Variants in IL13RA1 observed in about 807,000 individuals in gnomAD.
The protein encoded by IL13RA1 is interleukin-13 receptor subunit alpha-1.
Under a neutral mutation model 33.8 loss-of-function variants are expected in IL13RA1, and 14 were observed. That is an observed-to-expected ratio of 0.41 (90% CI 0.27 to 0.65). IL13RA1 has a LOEUF of 0.65. Ranked by LOEUF, IL13RA1 falls within the 30% of genes least tolerant of loss-of-function variation. IL13RA1 has a pLI of 0.28. For missense variants in IL13RA1, 313 were observed against 327.0 expected, an observed-to-expected ratio of 0.96 and a Z score of 0.33; for synonymous variants, 116 against 115.7, an observed-to-expected ratio of 1.00 and a Z score of -0.02.
intron 2 of IL13RA1, among the ~76,000 whole-genome samples, chrX:118,744,712 C>T (rs1370255521): frequency 8.9e-6 from 1 of 111,822 alleles, no homozygotes; most frequent in Non-Finnish European, 1.9e-5. Context: ...CGCCTGGCCA[C>T]TAAGGCATTT....
At chrX:118,769,999 C>T (rs984006552) in intron 8 of IL13RA1, 1 of 217,881 alleles carries the variant, frequency 4.6e-6, no homozygotes, top group African/African-American at 2.9e-5. Context: ...ACACCGGCGA[C>T]CCGGGCACCA....
intron 5 of IL13RA1, among the ~76,000 whole-genome samples, chrX:118,760,011 G>A (rs775496259): frequency 7.0e-4 from 78 of 111,382 alleles, no homozygotes; most frequent in African/African-American, 2.4e-3. Context: ...GAGCTCAAGC[G>A]ATCTACCCAC....
chrX:118,752,105 G>A (rs1421924373), intron 4 of IL13RA1, among the ~76,000 whole-genome samples: 2 of 110,044 alleles, frequency 1.8e-5, no homozygotes, highest in Non-Finnish European at 3.8e-5. Flanking sequence ...TTGAGGTTTT[G>A]TAGTTTCACC....
chrX:118,765,771 G>T (rs1367803194), intron 6 of IL13RA1, among the ~76,000 whole-genome samples: 4 of 112,391 alleles, frequency 3.6e-5, no homozygotes, highest in Non-Finnish European at 7.5e-5. Flanking sequence ...AGCAGAAATT[G>T]TGAGTTCTAG....
At chrX:118,766,787 A>T in intron 7 of IL13RA1, 57 bp from the exon 8 acceptor site, 6 of 671,954 alleles carry the variant, frequency 8.9e-6, no homozygotes, top group Non-Finnish European at 1.4e-5. Context: ...TGATTCAATA[A>T]CAGTGAAAAA....
At chrX:118,775,374 C>T (rs2017770792) in intron 9 of IL13RA1, among the ~76,000 whole-genome samples, 1 of 111,104 alleles carries the variant, frequency 9.0e-6, no homozygotes, top group Non-Finnish European at 1.9e-5. Flanking sequence ...TTATTCTAAG[C>T]ATGATGAGGA....
At chrX:118,771,223 A>G (rs181224420) in intron 8 of IL13RA1, among the ~76,000 whole-genome samples, 65 of 109,464 alleles carry the variant, frequency 5.9e-4, no homozygotes, top group African/African-American at 1.3e-3. Context: ...AAATAACTCA[A>G]TCAAGATCAG....
chrX:118,775,787 A>G (rs1167040761), intron 9 of IL13RA1, among the ~76,000 whole-genome samples: 1 of 111,315 alleles, frequency 9.0e-6, no homozygotes, highest in African/African-American at 3.3e-5. Context: ...TCAGTTTTGC[A>G]TATGTTAAGT....
intron 8 of IL13RA1, among the ~76,000 whole-genome samples, chrX:118,772,496 G>A (rs2017733786): frequency 9.0e-6 from 1 of 111,457 alleles, no homozygotes; most frequent in Admixed American, 9.5e-5. Context: ...TGATTTTATC[G>A]ATTGACTAAC....
chrX:118,804,019 C>T, the IL13RA1 span, among the ~76,000 whole-genome samples: 6 of 101,682 alleles, frequency 5.9e-5, no homozygotes, highest in East Asian at 3.0e-4. Context: ...TGCAATGGTG[C>T]GATCTCGGCT....
chrX:118,748,038 TAC>T (rs1556362831), intron 3 of IL13RA1, among the ~76,000 whole-genome samples: 6 of 99,414 alleles, frequency 6.0e-5, no homozygotes, highest in Non-Finnish European at 1.0e-4. Flanking sequence ...TGTGTGTGTG[TAC>T]ACACACAAAA....
intron 1 of IL13RA1, among the ~76,000 whole-genome samples, chrX:118,731,922 A>G (rs2017225426): frequency 8.9e-6 from 1 of 112,095 alleles, no homozygotes; most frequent in African/African-American, 3.2e-5. Context: ...AAGTAGTATA[A>G]TCATCACTTA....
At chrX:118,801,119 C>CT in the IL13RA1 span, among the ~76,000 whole-genome samples, 33 of 112,378 alleles carry the variant, frequency 2.9e-4, no homozygotes, top group East Asian at 8.1e-3. Flanking sequence ...CATTTTTTGT[C>CT]TAAATATAAT....
chrX:118,794,606 A>G (rs1283175697), downstream of IL13RA1: 1 of 111,927 alleles, frequency 8.9e-6, no homozygotes, highest in Non-Finnish European at 1.9e-5. Flanking sequence ...AAAAGAAGAA[A>G]CATTATGAAA....
chrX:118,747,765 G>A (rs781066618), intron 3 of IL13RA1, among the ~76,000 whole-genome samples: 5 of 110,562 alleles, frequency 4.5e-5, no homozygotes, highest in Non-Finnish European at 7.6e-5. Flanking sequence ...GTTACATACA[G>A]GGAGTAGCAT....
intron 8 of IL13RA1, among the ~76,000 whole-genome samples, chrX:118,769,121 A>G (rs1455689980): frequency 1.8e-5 from 2 of 112,194 alleles, no homozygotes; most frequent in African/African-American, 3.2e-5. Flanking sequence ...TCTGTTTTTT[A>G]GAAGTGAGTC....
intron 6 of IL13RA1, among the ~76,000 whole-genome samples, chrX:118,762,463 A>G (rs2017600187): frequency 8.9e-6 from 1 of 112,023 alleles, no homozygotes; most frequent in Non-Finnish European, 1.9e-5. Context: ...ACGTGGGTAA[A>G]TTCCTTGGTC....
At chrX:118,794,810 G>A (rs1204733458), downstream of IL13RA1, among the ~76,000 whole-genome samples, 2 of 111,793 alleles carry the variant, frequency 1.8e-5, no homozygotes, top group Middle Eastern at 4.7e-3. Context: ...TAATGGAAAT[G>A]GAGGGTTGGT....
At chrX:118,731,413 C>T (rs1480595191) in intron 1 of IL13RA1, among the ~76,000 whole-genome samples, 2 of 111,001 alleles carry the variant, frequency 1.8e-5, no homozygotes, top group African/African-American at 6.6e-5. Context: ...CCAGTCTCTA[C>T]TAAAAATACA....
Sources: gnomAD v4.1 joint callset for allele counts (sites outside exome capture counted in the v4.1 genomes callset) on GRCh38, gnomAD v4.1.1 for gene constraint, MANE v1.5 for transcripts, NCBI Gene and HGNC (gene_info 2026-07-23, HGNC 2026-07-21) for gene names.